Variants in CAMTA1 observed in about 807,000 individuals in gnomAD.
CAMTA1 encodes calmodulin binding transcription activator 1.
A neutral mutation model predicts 170.9 loss-of-function variants in CAMTA1; 27 were observed. The observed-to-expected ratio is 0.16, with a 90% CI of 0.12 to 0.22. CAMTA1 has a LOEUF of 0.22. Among genes scored for constraint, CAMTA1 ranks in the 10% least tolerant of loss-of-function variants. The pLI is 1.00. For missense variants in CAMTA1, 1,619 were observed against 2,217.2 expected (o/e 0.73, Z 5.42); for synonymous variants, 833 against 891.5 (o/e 0.93, Z 1.17).
intron 4 of CAMTA1, among the ~76,000 whole-genome samples, chr1:7,203,918 G>A (rs1657186034): frequency 6.7e-6 from 1 of 149,704 alleles, no homozygotes; most frequent in African/African-American, 2.5e-5. Flanking sequence ...TGCAAGCTCC[G>A]CCTCCCGGGT....
intron 3 of CAMTA1, among the ~76,000 whole-genome samples, chr1:7,079,415 A>C (rs1639723445): frequency 6.6e-6 from 1 of 152,216 alleles, no homozygotes; most frequent in African/African-American, 2.4e-5. Context: ...GTAAATACAA[A>C]GAAACCACAG....
At chr1:6,786,096 C>T (rs1399272692) in intron 1 of CAMTA1, among the ~76,000 whole-genome samples, 1 of 151,818 alleles carries the variant, frequency 6.6e-6, no homozygotes, top group East Asian at 1.9e-4. Flanking sequence ...CCCCTGCTCT[C>T]CGGCGGGCAG....
chr1:7,529,025 A>G (rs990319796), intron 6 of CAMTA1, among the ~76,000 whole-genome samples: 1 of 151,832 alleles, frequency 6.6e-6, no homozygotes, highest in Non-Finnish European at 1.5e-5. Flanking sequence ...AACTAGTGAC[A>G]CCCAGGGAAG....
At chr1:7,297,367 C>T (rs1453219262) in intron 5 of CAMTA1, among the ~76,000 whole-genome samples, 1 of 152,320 alleles carries the variant, frequency 6.6e-6, no homozygotes, top group East Asian at 1.9e-4. Context: ...TATTCCTAGG[C>T]TTTGGCCTTT....
At chr1:7,027,372 C>T (rs573839486) in intron 3 of CAMTA1, among the ~76,000 whole-genome samples, 1 of 152,276 alleles carries the variant, frequency 6.6e-6, no homozygotes, top group South Asian at 2.1e-4. Flanking sequence ...CCTGAAAACA[C>T]GACTCCTGGG....
intron 11 of CAMTA1, among the ~76,000 whole-genome samples, chr1:7,678,118 C>T (rs536931388): frequency 1.3e-4 from 20 of 152,324 alleles, no homozygotes; most frequent in Middle Eastern, 3.4e-3. Context: ...GGCCTGTTTC[C>T]GCGGGCTCCT....
intron 3 of CAMTA1, among the ~76,000 whole-genome samples, chr1:6,892,601 T>C (rs1217774658): frequency 6.7e-6 from 1 of 150,324 alleles, no homozygotes; most frequent in Non-Finnish European, 1.5e-5. Context: ...TCTTTTCTTT[T>C]TTTTTTTTTT....
chr1:7,500,832 A>T (rs2093994030), intron 6 of CAMTA1, among the ~76,000 whole-genome samples: 1 of 151,996 alleles, frequency 6.6e-6, no homozygotes, highest in African/African-American at 2.4e-5. Flanking sequence ...AGTCTCGGTG[A>T]CATCAGGCAG....
chr1:7,058,083 C>G (rs1707635580), intron 3 of CAMTA1, among the ~76,000 whole-genome samples: 1 of 152,172 alleles, frequency 6.6e-6, no homozygotes, highest in Non-Finnish European at 1.5e-5. Context: ...AGACCGGCCC[C>G]TTCCTCTCTT....
At chr1:6,798,327 C>T (rs922759746) in intron 1 of CAMTA1, among the ~76,000 whole-genome samples, 4 of 152,156 alleles carry the variant, frequency 2.6e-5, no homozygotes, top group Admixed American at 2.0e-4. Context: ...TCTGTAAAAA[C>T]CCCCTAATTT....
At chr1:6,844,316 A>G (rs1247637408) in intron 3 of CAMTA1, among the ~76,000 whole-genome samples, 1 of 152,158 alleles carries the variant, frequency 6.6e-6, no homozygotes, top group Non-Finnish European at 1.5e-5. Flanking sequence ...ATGCACACAT[A>G]CACACAAATA....
chr1:7,332,833 A>G (rs893976898), intron 5 of CAMTA1, among the ~76,000 whole-genome samples: 14 of 152,208 alleles, frequency 9.2e-5, no homozygotes, highest in Non-Finnish European at 1.9e-4. Context: ...AGATACACAC[A>G]CACACACACA....
intron 6 of CAMTA1, among the ~76,000 whole-genome samples, chr1:7,597,685 C>G (rs1016183843): frequency 4.6e-5 from 7 of 152,082 alleles, no homozygotes; most frequent in African/African-American, 1.7e-4. Context: ...AGTCTGAAAG[C>G]CATCTGCTGG....
chr1:7,717,677 A>G (rs1160800532), intron 11 of CAMTA1, among the ~76,000 whole-genome samples: 1 of 152,002 alleles, frequency 6.6e-6, no homozygotes, highest in Non-Finnish European at 1.5e-5. Context: ...GTGGTGAGTC[A>G]TGTTTGCACC....
intron 3 of CAMTA1, among the ~76,000 whole-genome samples, chr1:7,083,442 G>T (rs368261461): frequency 6.6e-6 from 1 of 152,200 alleles, no homozygotes; most frequent in South Asian, 2.1e-4. Flanking sequence ...ACCTGTGGGT[G>T]GGGGGTCCGG....
At chr1:7,672,228 G>A (rs2096066708) in intron 10 of CAMTA1, 1 of 376,126 alleles carries the variant, frequency 2.7e-6, no homozygotes, top group East Asian at 7.4e-5. Context: ...GGTACGGGGT[G>A]GGAGTACAGA....
rs2094956578 is a variant in CAMTA1, at chr1:7,561,493, T to A, written c.511-78907T>A. Among the ~76,000 whole-genome samples the A allele has an allele frequency of 6.6e-6, 1 of 151,576 alleles. No homozygotes were observed. The highest frequency in any genetic ancestry group is 2.1e-4 in the South Asian group (1 of 4,796). ...CCCAGCGGCACCAGCACACTCCTCA[T>A]CCTCTAGGATGAGCCCAAGCAGAGG... On this transcript the variant is annotated intron_variant, in intron 6 of 22. Coordinates refer to ENST00000303635, the MANE Select transcript of CAMTA1 (RefSeq NM_015215.4). The surrounding 1 kb of genome is among the most constrained non-coding windows in gnomAD (Gnocchi z 5.3).
intron 5 of CAMTA1, among the ~76,000 whole-genome samples, chr1:7,400,203 A>C (rs1179309077): frequency 1.3e-5 from 2 of 152,174 alleles, no homozygotes; most frequent in African/African-American, 4.8e-5. Flanking sequence ...GGTTATTTCA[A>C]AAGACATGTC....
At chr1:6,881,735 G>T (rs1444114679) in intron 3 of CAMTA1, among the ~76,000 whole-genome samples, 1 of 152,180 alleles carries the variant, frequency 6.6e-6, no homozygotes, top group Non-Finnish European at 1.5e-5. Context: ...CGGGAGGCCA[G>T]TGTGGGCGGA....
Sources: allele counts gnomAD v4.1 joint callset (sites outside exome capture counted in the v4.1 genomes callset), GRCh38; gene constraint gnomAD v4.1.1; non-coding constraint Gnocchi (gnomAD v3.1); transcripts MANE v1.5; gene names NCBI Gene and HGNC (gene_info 2026-07-23, HGNC 2026-07-21).